Variants in SNTG1 observed in about 807,000 individuals in gnomAD.
The protein encoded by SNTG1 is syntrophin gamma 1, also known as gamma-1-syntrophin.
Under a neutral mutation model 74.7 loss-of-function variants are expected in SNTG1, and 39 were observed. That is an observed-to-expected ratio of 0.52 (90% CI 0.40 to 0.68). SNTG1 has a LOEUF of 0.68. Among genes scored for constraint, SNTG1 ranks in the 30% least tolerant of loss-of-function variants. SNTG1 has a pLI of 0.00. For missense variants in SNTG1, 685 were observed against 609.5 expected (o/e 1.12, Z -1.30); for synonymous variants, 254 against 217.1 (o/e 1.17, Z -1.49).
chr8:50,172,335 A>G (rs1358519733), intron 1 of SNTG1, among the ~76,000 whole-genome samples: 1 of 152,162 alleles, frequency 6.6e-6, no homozygotes, highest in Non-Finnish European at 1.5e-5. Flanking sequence ...ATCTTGTGGC[A>G]TTAGTCATTT....
intron 11 of SNTG1, among the ~76,000 whole-genome samples, chr8:50,552,109 T>G (rs1238084668): frequency 1.3e-5 from 2 of 152,218 alleles, no homozygotes; most frequent in Non-Finnish European, 2.9e-5. Context: ...TGCAAAAGTT[T>G]TCTGTTACTG....
intron 2 of SNTG1, among the ~76,000 whole-genome samples, chr8:50,327,719 T>G (rs1026563370): frequency 6.6e-6 from 1 of 152,140 alleles, no homozygotes; most frequent in African/African-American, 2.4e-5. Flanking sequence ...TCATTGCCCT[T>G]CTTCTTTGTT....
At chr8:50,155,948 T>C (rs2082240305) in intron 1 of SNTG1, among the ~76,000 whole-genome samples, 1 of 151,656 alleles carries the variant, frequency 6.6e-6, no homozygotes, top group Non-Finnish European at 1.5e-5. Context: ...ACACCATGAA[T>C]ACTACATATA....
intron 12 of SNTG1, among the ~76,000 whole-genome samples, chr8:50,563,364 A>G (rs1221145273): frequency 2.0e-5 from 3 of 152,208 alleles, no homozygotes; most frequent in Non-Finnish European, 4.4e-5. Flanking sequence ...ATTTAGCTAC[A>G]GTAAGCACTG....
At chr8:50,395,833 C>T (rs550397176) in intron 3 of SNTG1, among the ~76,000 whole-genome samples, 1 of 152,150 alleles carries the variant, frequency 6.6e-6, no homozygotes, top group African/African-American at 2.4e-5. Context: ...TAATTGCATA[C>T]TTAATTTTAA....
chr8:50,587,895 A>T (rs1218924662), intron 12 of SNTG1, among the ~76,000 whole-genome samples: 1 of 152,106 alleles, frequency 6.6e-6, no homozygotes, highest in African/African-American at 2.4e-5. Flanking sequence ...GCGGATCACG[A>T]GGTAGGGAGA....
intron 1 of SNTG1, among the ~76,000 whole-genome samples, chr8:50,124,740 T>C (rs765011692): frequency 7.1e-6 from 1 of 141,160 alleles, no homozygotes; most frequent in Non-Finnish European, 1.6e-5. Context: ...CTGCTTGTGC[T>C]AGGCAGTGAG....
At position 50,104,892 on chromosome 8, in the gene SNTG1, T is replaced by C. The variant is rs111635731; in HGVS notation, c.-102-67669T>C. On this transcript the variant is annotated intron_variant, in intron 1 of 18. Coordinates refer to ENST00000642720, the MANE Select transcript of SNTG1 (RefSeq NM_018967.5). ...CCACTTTTCAATGGGGTTGTTTGTTTTTCACTTGTTGTTGTGATTAGTTTC... is the reference window on the plus strand; with the variant it reads ...CCACTTTTCAATGGGGTTGTTTGTTCTTCACTTGTTGTTGTGATTAGTTTC... Among the ~76,000 whole-genome samples, 11 of 152,284 alleles carry C rather than the reference T, an allele frequency of 7.2e-5. 1 individual carries two copies. The highest frequency in any genetic ancestry group is 2.4e-4 in the African/African-American group (10 of 41,584).
At chr8:50,094,575 TG>T (rs1295052639) in intron 1 of SNTG1, among the ~76,000 whole-genome samples, 1 of 151,836 alleles carries the variant, frequency 6.6e-6, no homozygotes, top group Non-Finnish European at 1.5e-5. Context: ...AATAAGCATA[TG>T]AAAAAAAATG....
At chr8:50,075,632 A>G (rs776337701) in intron 1 of SNTG1, among the ~76,000 whole-genome samples, 6 of 152,172 alleles carry the variant, frequency 3.9e-5, no homozygotes, top group African/African-American at 1.2e-4. Flanking sequence ...CCTGCTTCCT[A>G]CGCTGTGGAG....
At position 50,349,238 on chromosome 8, in the gene SNTG1, A is replaced by G. The variant is rs528605774; in HGVS notation, c.-27-44974A>G. ...CTTAACAAATTGTCTGTGGGGACCT[A>G]TCATGTTTTGGGAATTGTGCTAGGT... is the stretch of plus-strand genomic sequence containing the variant. On this transcript the variant is annotated intron_variant, in intron 2 of 18. Transcript: ENST00000642720. 2.0e-4 allele frequency among the ~76,000 whole-genome samples: 30 copies of G among 152,306 alleles called. No homozygotes were observed. The South Asian group carries it at 3.9e-3, about 20-fold the overall frequency.
chr8:50,569,722 A>T (rs2094536470), intron 12 of SNTG1, among the ~76,000 whole-genome samples: 1 of 152,144 alleles, frequency 6.6e-6, no homozygotes, highest in Admixed American at 6.5e-5. Context: ...GGTGTCACTG[A>T]AGCTGACATT....
At chr8:50,750,402 A>C (rs1161944849) in intron 17 of SNTG1, among the ~76,000 whole-genome samples, 1 of 152,060 alleles carries the variant, frequency 6.6e-6, no homozygotes, top group Non-Finnish European at 1.5e-5. Context: ...TATTTAGAAT[A>C]TTACATTAAT....
chr8:49,995,234 A>C (rs1011759764), intron 1 of SNTG1, among the ~76,000 whole-genome samples: 17 of 152,228 alleles, frequency 1.1e-4, no homozygotes, highest in Admixed American at 1.1e-3. Flanking sequence ...GTGAAACAGA[A>C]AATGAAAAAA....
intron 13 of SNTG1, among the ~76,000 whole-genome samples, chr8:50,635,608 C>T (rs750555800): frequency 6.6e-6 from 1 of 152,076 alleles, no homozygotes; most frequent in East Asian, 1.9e-4. Flanking sequence ...AGGCAATTGC[C>T]GATGTTCACT....
rs146929419 is a variant in SNTG1 at position 50,243,658 on chromosome 8, G to A, written c.-28+71023G>A. 7.1e-3 allele frequency among the ~76,000 whole-genome samples: 1,074 copies of A among 150,736 alleles called. 15 individuals are homozygous for A. The highest frequency in any genetic ancestry group is 0.025 in the African/African-American group (1,008 of 40,756). Reference sequence around the variant, plus strand: ...GAGCAAATGTGATGCATTTTAAGGCGTTTGGGCCAGGTCTCAGGGTAATTA... The same window carrying A: ...GAGCAAATGTGATGCATTTTAAGGCATTTGGGCCAGGTCTCAGGGTAATTA... On this transcript the variant is annotated intron_variant, in intron 2 of 18. Transcript: ENST00000642720.
chr8:50,401,188 A>G (rs1217564489), intron 3 of SNTG1, among the ~76,000 whole-genome samples: 1 of 152,198 alleles, frequency 6.6e-6, no homozygotes, highest in Non-Finnish European at 1.5e-5. Context: ...TATTACAAGA[A>G]AATGTCATTT....
chr8:50,029,649 G>C (rs1299412830), intron 1 of SNTG1, among the ~76,000 whole-genome samples: 1 of 152,024 alleles, frequency 6.6e-6, no homozygotes, highest in Non-Finnish European at 1.5e-5. Flanking sequence ...ATAACATCTA[G>C]TTCCCTACAT....
chr8:50,113,600 G>T (rs1293374933), intron 1 of SNTG1, among the ~76,000 whole-genome samples: 2 of 152,050 alleles, frequency 1.3e-5, no homozygotes, highest in African/African-American at 4.8e-5. Flanking sequence ...GATTGCCCTG[G>T]CCAGAACTTC....
Sources: gnomAD v4.1 joint callset for allele counts (sites outside exome capture counted in the v4.1 genomes callset) on GRCh38, gnomAD v4.1.1 for gene constraint, MANE v1.5 for transcripts, NCBI Gene and HGNC (gene_info 2026-07-23, HGNC 2026-07-21) for gene names.